Variants in ASAP1 observed in about 807,000 individuals in gnomAD.
ASAP1 encodes arf-GAP with SH3 domain, ANK repeat and PH domain-containing protein 1.
Under a neutral mutation model 145.2 loss-of-function variants are expected in ASAP1, and 43 were observed. The observed-to-expected ratio is 0.30, with a 90% confidence interval of 0.23 to 0.38. The LOEUF (loss-of-function observed/expected upper bound fraction) is 0.38. Among genes scored for constraint, ASAP1 ranks in the 10% least tolerant of loss-of-function variants. The pLI, the probability that ASAP1 is intolerant of heterozygous loss-of-function variation, is 1.00. For missense variants in ASAP1, 1,018 were observed against 1,355.3 expected, an observed-to-expected ratio of 0.75 and a Z score of 3.91; for synonymous variants, 546 against 515.5, an observed-to-expected ratio of 1.06 and a Z score of -0.80.
chr8:130,141,080 T>C (rs1261844187), intron 13 of ASAP1, among the ~76,000 whole-genome samples: 1 of 152,174 alleles, frequency 6.6e-6, no homozygotes, highest in Non-Finnish European at 1.5e-5. Context: ...AAAATTAAAG[T>C]AAAACTAAAT....
At chr8:130,298,150 A>G (rs545228998) in intron 3 of ASAP1, among the ~76,000 whole-genome samples, 1 of 152,316 alleles carries the variant, frequency 6.6e-6, no homozygotes, top group East Asian at 1.9e-4. Context: ...TAGCTAGTTG[A>G]CAAGTATGGA....
intron 2 of ASAP1, among the ~76,000 whole-genome samples, chr8:130,399,445 TAAAAA>T (rs35062353): frequency 2.0e-5 from 3 of 152,000 alleles, no homozygotes; most frequent in Admixed American, 2.0e-4. Context: ...ACTCTTGACT[TAAAAA>T]AAGAAAAAAA....
At chr8:130,352,392 C>A (rs1191846761) in intron 3 of ASAP1, among the ~76,000 whole-genome samples, 3 of 152,074 alleles carry the variant, frequency 2.0e-5, no homozygotes, top group Non-Finnish European at 4.4e-5. Context: ...AGACGTCAAA[C>A]CCTGACCACA....
intron 2 of ASAP1, among the ~76,000 whole-genome samples, chr8:130,378,571 G>A (rs1302338042): frequency 6.6e-6 from 1 of 152,238 alleles, no homozygotes; most frequent in African/African-American, 2.4e-5. Context: ...TGGAGCTGAG[G>A]TCAGACGGGT....
intron 11 of ASAP1, among the ~76,000 whole-genome samples, chr8:130,160,573 CCA>C (rs2097667092): frequency 2.2e-4 from 33 of 152,120 alleles, no homozygotes; most frequent in Admixed American, 2.0e-3. Context: ...GTGACAAGGG[CCA>C]AACCAACAAC....
rs113628778 is a variant in ASAP1, at chr8:130,383,631, G to C, written c.59+18254C>G. 2.7e-3 allele frequency among the ~76,000 whole-genome samples: 413 copies of C among 152,312 alleles called. 1 individual carries two copies. The highest frequency in any genetic ancestry group is 6.8e-3 in the Middle Eastern group (2 of 294). ...CGAGGGTCACAGGGATTCGTGGCTTGTCCAAGGCCACACAGCAGGGAGATG... is the reference window on the plus strand; with the variant it reads ...CGAGGGTCACAGGGATTCGTGGCTTCTCCAAGGCCACACAGCAGGGAGATG... On this transcript the variant is annotated intron_variant, in intron 2 of 29. Coordinates refer to ENST00000518721, the MANE Select transcript of ASAP1 (RefSeq NM_018482.4).
intron 27 of ASAP1, among the ~76,000 whole-genome samples, chr8:130,072,822 T>TGTGTGTGTGTGTGTGTGTGCGTGTGCGC (rs1554816353): frequency 3.8e-5 from 1 of 26,058 alleles, no homozygotes; most frequent in East Asian, 1.1e-3. Flanking sequence ...TGTGTGTGTG[T>TGTGTGTGTGTGTGTGTGTGCGTGTGCGC]GTGCGCGCGG....
chr8:130,297,996 T>C (rs1232294242), intron 3 of ASAP1, among the ~76,000 whole-genome samples: 1 of 152,198 alleles, frequency 6.6e-6, no homozygotes, highest in Non-Finnish European at 1.5e-5. Flanking sequence ...CAGTCCCAAT[T>C]CTCTGTGGGA....
In ASAP1 at chr8:130,227,610, C is replaced by G. The variant is rs1444543789; in HGVS notation, c.259+9312G>C. Among the ~76,000 whole-genome samples, 3 of 151,416 alleles carry G rather than the reference C, an allele frequency of 2.0e-5. No individual in the cohort carries two copies. The East Asian group carries it at 5.8e-4, about 29-fold the overall frequency. On this transcript the variant is annotated intron_variant, in intron 4 of 29. Transcript: ENST00000518721. The stretch of plus-strand genomic sequence containing the variant: ...TCCGTGTCAGTAAAACATTTCAAAG[C>G]ATTTCCAATCAATGCTTATATGTTT...
At chr8:130,430,678 C>T (rs904926702) in intron 1 of ASAP1, among the ~76,000 whole-genome samples, 1 of 152,088 alleles carries the variant, frequency 6.6e-6, no homozygotes, top group Non-Finnish European at 1.5e-5. Context: ...AGAGAAACCA[C>T]CCAGAACACT....
At chr8:130,407,197 C>CA (rs1313639596) in intron 1 of ASAP1, among the ~76,000 whole-genome samples, 1 of 152,218 alleles carries the variant, frequency 6.6e-6, no homozygotes, top group Non-Finnish European at 1.5e-5. Context: ...AGCTGAAACT[C>CA]AGACATTGAG....
chr8:130,402,559 A>G (rs996423142), intron 1 of ASAP1, among the ~76,000 whole-genome samples: 4 of 152,230 alleles, frequency 2.6e-5, no homozygotes, highest in Non-Finnish European at 5.9e-5. Context: ...CAATATTTGC[A>G]GAATAGAGGG....
intron 3 of ASAP1, among the ~76,000 whole-genome samples, chr8:130,290,592 T>G (rs1270631119): frequency 6.6e-6 from 1 of 152,164 alleles, no homozygotes; most frequent in Non-Finnish European, 1.5e-5. Context: ...ACCCCTTAAA[T>G]CCTTCCAGCC....
At chr8:130,291,935 C>T (rs1473277477) in intron 3 of ASAP1, among the ~76,000 whole-genome samples, 2 of 152,144 alleles carry the variant, frequency 1.3e-5, no homozygotes, top group Non-Finnish European at 2.9e-5. Context: ...TGCAGCTGCG[C>T]CTGATGCTTG....
At chr8:130,430,236 T>G (rs542294678) in intron 1 of ASAP1, among the ~76,000 whole-genome samples, 17 of 152,338 alleles carry the variant, frequency 1.1e-4, no homozygotes, top group African/African-American at 3.8e-4. Context: ...TCTGGTCTAC[T>G]ACAGGATGGG....
At chr8:130,353,926 G>A (rs577485182) in intron 3 of ASAP1, among the ~76,000 whole-genome samples, 2 of 151,862 alleles carry the variant, frequency 1.3e-5, no homozygotes, top group Non-Finnish European at 2.9e-5. Flanking sequence ...TTGCTCTGTC[G>A]CCCAGGCTGG....
chr8:130,337,377 TTCC>T (rs999530604), intron 3 of ASAP1, among the ~76,000 whole-genome samples: 9 of 152,218 alleles, frequency 5.9e-5, no homozygotes, highest in African/African-American at 2.2e-4. Context: ...CTGCATTTGA[TTCC>T]TCATTGATAA....
chr8:130,175,083 T>A (rs944449328), intron 9 of ASAP1, among the ~76,000 whole-genome samples: 8 of 152,236 alleles, frequency 5.3e-5, no homozygotes, highest in African/African-American at 1.9e-4. Flanking sequence ...TCTTCCCACA[T>A]CCTCACCAAG....
intron 3 of ASAP1, among the ~76,000 whole-genome samples, chr8:130,319,050 G>A (rs1016199283): frequency 6.6e-6 from 1 of 152,230 alleles, no homozygotes; most frequent in African/African-American, 2.4e-5. Flanking sequence ...CCTATAATCA[G>A]CACCACTGTC....
Sources: gnomAD v4.1 joint callset for allele counts (sites outside exome capture counted in the v4.1 genomes callset) on GRCh38, gnomAD v4.1.1 for gene constraint, MANE v1.5 for transcripts, NCBI Gene and HGNC (gene_info 2026-07-23, HGNC 2026-07-21) for gene names.